The following PRKG1 variants were observed in gnomAD, a reference collection of about 807,000 sequenced individuals.
PRKG1 encodes the protein cGMP-dependent protein kinase 1.
PRKG1 carries 35 observed loss-of-function variants against 88.1 expected under a neutral mutation model. The observed-to-expected ratio is 0.40, with a 90% CI of 0.30 to 0.53. The LOEUF is 0.53. PRKG1 is among the 20% of genes least tolerant of loss of function. The pLI is 0.59. For synonymous variants in PRKG1, 303 were observed against 292.5 expected, an observed-to-expected ratio of 1.04 and a Z score of -0.37; for missense variants, 540 against 839.8, an observed-to-expected ratio of 0.64 and a Z score of 4.41.
At chr10:51,075,152 A>T (rs1448224607) in intron 1 of PRKG1, among the ~76,000 whole-genome samples, 1 of 152,208 alleles carries the variant, frequency 6.6e-6, no homozygotes, top group South Asian at 2.1e-4. Context: ...ATACATTCGT[A>T]TAAGCCACCT....
intron 7 of PRKG1, among the ~76,000 whole-genome samples, chr10:52,120,519 A>T (rs10824053): frequency 0.07 from 10,703 of 152,162 alleles, 621 homozygotes; most frequent in East Asian, 0.35. Context: ...TATCTCCAAA[A>T]TACAATGGTG....
chr10:51,917,691 T>C (rs1842372956), intron 5 of PRKG1, among the ~76,000 whole-genome samples: 1 of 152,206 alleles, frequency 6.6e-6, no homozygotes, highest in African/African-American at 2.4e-5. Context: ...AGGGATGTTG[T>C]AGATACTTAC....
rs143056634 is a variant in PRKG1, at chr10:52,112,520, A to G, written c.936-21320A>G. Among the ~76,000 whole-genome samples, 1,466 of 152,284 alleles carry G rather than the reference A, an allele frequency of 9.6e-3. 20 individuals carry two copies. Among genetic ancestry groups the G allele is most frequent in the African/African-American group, 0.03 (1,242 of 41,556 alleles). On this transcript the variant is annotated intron_variant, in intron 7 of 17. Transcript: ENST00000373980. Reference sequence around the variant, plus strand: ...CTTGAAACTCTCAAAAATTATAATGAGCACCAATAAATCCATTGAAAACAC... The same window carrying G: ...CTTGAAACTCTCAAAAATTATAATGGGCACCAATAAATCCATTGAAAACAC...
chr10:51,958,202 C>T (rs1416035157), intron 5 of PRKG1, among the ~76,000 whole-genome samples: 1 of 152,170 alleles, frequency 6.6e-6, no homozygotes, highest in Non-Finnish European at 1.5e-5. Context: ...ACAAGAATTG[C>T]TATACTTCCT....
At chr10:52,174,547 ACC>A (rs1207059859) in intron 9 of PRKG1, among the ~76,000 whole-genome samples, 1 of 152,066 alleles carries the variant, frequency 6.6e-6, no homozygotes, top group East Asian at 1.9e-4. Context: ...AGATGTGATT[ACC>A]GTACTTCAAA....
intron 5 of PRKG1, among the ~76,000 whole-genome samples, chr10:51,967,297 A>G (rs1173461206): frequency 6.6e-6 from 1 of 152,160 alleles, no homozygotes; most frequent in Non-Finnish European, 1.5e-5. Flanking sequence ...CATTCTCAGC[A>G]AACTATTGCA....
intron 3 of PRKG1, among the ~76,000 whole-genome samples, chr10:51,723,482 G>C: frequency 6.6e-6 from 1 of 152,158 alleles, no homozygotes. Context: ...GTGGGTAGGA[G>C]GCTAGGGGAG....
At chr10:51,214,717 G>C (rs1204397493) in intron 2 of PRKG1, among the ~76,000 whole-genome samples, 1 of 152,034 alleles carries the variant, frequency 6.6e-6, no homozygotes, top group Non-Finnish European at 1.5e-5. Context: ...AGCTCAAGCA[G>C]TCCTCCCGCT....
intron 2 of PRKG1, among the ~76,000 whole-genome samples, chr10:51,368,722 C>T (rs1393066075): frequency 6.6e-6 from 1 of 152,038 alleles, no homozygotes; most frequent in Non-Finnish European, 1.5e-5. Context: ...TGTAGGACAT[C>T]TTCAGGAAGA....
At chr10:51,166,042 C>A (rs182847346) in intron 2 of PRKG1, among the ~76,000 whole-genome samples, 2 of 148,878 alleles carry the variant, frequency 1.3e-5, no homozygotes, top group African/African-American at 4.9e-5. Context: ...ACTTTATATT[C>A]GGATCATGCA....
chr10:51,570,599 T>C (rs145376991), intron 3 of PRKG1, among the ~76,000 whole-genome samples: 194 of 151,912 alleles, frequency 1.3e-3, no homozygotes, highest in African/African-American at 4.2e-3. Context: ...TACATATGGG[T>C]GTGTGTTTTC....
rs548025064 is a variant in PRKG1, at chr10:51,303,861, C to G, written c.478+150531C>G. The stretch of plus-strand genomic sequence containing the variant: ...TTTGAGACAGAGTCTCACTCTGTAA[C>G]CCAGGCTGGAGCGCAGTGGTGTGAT... On this transcript the variant is annotated intron_variant, in intron 2 of 17. Transcript: ENST00000373980. 1.2e-3 allele frequency among the ~76,000 whole-genome samples: 190 copies of G among 152,102 alleles called. 1 individual carries two copies. The highest frequency in any genetic ancestry group is 4.2e-3 in the South Asian group (20 of 4,812).
rs561960603 is a variant in PRKG1, at chr10:51,041,869, C to T, written c.266+50225C>T. Among the ~76,000 whole-genome samples, 182 of 152,242 alleles carry T rather than the reference C, an allele frequency of 1.2e-3. 8 individuals are homozygous for T. The South Asian group carries it at 0.036, about 30-fold the overall frequency. On this transcript the variant is annotated intron_variant, in intron 1 of 17. Transcript: ENST00000401604. Reference sequence around the variant, plus strand: ...ATACCTCCAGTATATACAATCATTGCAAGACAGTAACTGAAGTCTGCAAGT... The same window carrying T: ...ATACCTCCAGTATATACAATCATTGTAAGACAGTAACTGAAGTCTGCAAGT...
intron 4 of PRKG1, among the ~76,000 whole-genome samples, chr10:51,894,230 T>G (rs2132914438): frequency 6.6e-6 from 1 of 152,322 alleles, no homozygotes. Flanking sequence ...GCTATCAATC[T>G]TCCTGCACGT....
chr10:51,736,639 C>T (rs1213379028), intron 3 of PRKG1, among the ~76,000 whole-genome samples: 2 of 149,760 alleles, frequency 1.3e-5, no homozygotes, highest in Non-Finnish European at 3.0e-5. Context: ...ACAGGGTCTC[C>T]CCTCTGTTGT....
chr10:51,697,503 A>G, intron 3 of PRKG1: 1 of 601,562 alleles, frequency 1.7e-6, no homozygotes, highest in Middle Eastern at 4.4e-4. Flanking sequence ...GAACAGACGC[A>G]CTCCCTCCTC....
intron 2 of PRKG1, among the ~76,000 whole-genome samples, chr10:51,274,194 A>G (rs775462441): frequency 5.9e-5 from 9 of 152,120 alleles, no homozygotes; most frequent in African/African-American, 1.2e-4. Flanking sequence ...GTTAACTTTG[A>G]AAATTTGCTT....
intron 5 of PRKG1, among the ~76,000 whole-genome samples, chr10:52,032,023 A>G (rs979516430): frequency 2.6e-5 from 4 of 152,200 alleles, no homozygotes; most frequent in African/African-American, 7.2e-5. Flanking sequence ...CTTAAATGTC[A>G]CAGCAAGAGA....
intron 3 of PRKG1, among the ~76,000 whole-genome samples, chr10:51,572,714 C>T (rs988765327): frequency 6.6e-6 from 1 of 151,756 alleles, no homozygotes; most frequent in Admixed American, 6.6e-5. Flanking sequence ...AGATGGGGGT[C>T]TGTGTATTTT....
Sources: allele counts gnomAD v4.1 joint callset (sites outside exome capture counted in the v4.1 genomes callset), GRCh38; gene constraint gnomAD v4.1.1; transcripts MANE v1.5; gene names NCBI Gene and HGNC (gene_info 2026-07-23, HGNC 2026-07-21).